RORA: variants seen among roughly 807,000 people sequenced by gnomAD.
The protein encoded by RORA is nuclear receptor ROR-alpha.
In RORA, 7 loss-of-function variants were observed where a neutral mutation model predicts 69.5. The observed-to-expected ratio is 0.10, with a 90% CI of 0.06 to 0.19. The LOEUF (loss-of-function observed/expected upper bound fraction) is 0.19, where lower values mean the gene tolerates loss of function less well. Among genes scored for constraint, RORA ranks in the 10% least tolerant of loss-of-function variants. The pLI is 1.00. For missense variants in RORA, 457 were observed against 663.0 expected (o/e 0.69, Z 3.41); for synonymous variants, 261 against 240.8 (o/e 1.08, Z -0.78).
chr15:60,544,314 G>A (rs553330146), intron 2 of RORA, among the ~76,000 whole-genome samples: 1 of 152,312 alleles, frequency 6.6e-6, no homozygotes, highest in South Asian at 2.1e-4. Context: ...TCAGGGAAAA[G>A]GGATAGAAAG....
intron 1 of RORA, among the ~76,000 whole-genome samples, chr15:60,723,653 C>G (rs2613621): frequency 1 from 152,238 of 152,310 alleles, 76,083 homozygotes; most frequent in Non-Finnish European, 1. Flanking sequence ...ATCAGAGTCA[C>G]AGTTAGGACT....
At chr15:60,777,987 C>T (rs1168488061) in intron 1 of RORA, among the ~76,000 whole-genome samples, 2 of 152,196 alleles carry the variant, frequency 1.3e-5, no homozygotes, top group African/African-American at 4.8e-5. Context: ...AATTGACGTG[C>T]TGTTTAATCC....
intron 1 of RORA, among the ~76,000 whole-genome samples, chr15:61,180,295 C>T (rs560701361): frequency 2.4e-4 from 36 of 152,206 alleles, no homozygotes; most frequent in Admixed American, 1.2e-3. Flanking sequence ...CTTCATTTAT[C>T]CATCCTATCA....
intron 1 of RORA, among the ~76,000 whole-genome samples, chr15:61,150,633 G>A (rs1203372928): frequency 6.6e-6 from 1 of 152,126 alleles, no homozygotes; most frequent in East Asian, 1.9e-4. Context: ...AAAGATTCAA[G>A]GTTTTCGCTG....
chr15:61,010,782 T>C (rs1284138865), intron 1 of RORA, among the ~76,000 whole-genome samples: 3 of 152,156 alleles, frequency 2.0e-5, no homozygotes, highest in Non-Finnish European at 4.4e-5. Flanking sequence ...AATAAGAACA[T>C]TGCATGACTT....
intron 1 of RORA, among the ~76,000 whole-genome samples, chr15:61,136,364 G>C (rs1567006052): frequency 6.6e-6 from 1 of 152,126 alleles, no homozygotes; most frequent in Admixed American, 6.5e-5. Context: ...GCTAGAGTTG[G>C]GTCCATTTTA....
intron 1 of RORA, among the ~76,000 whole-genome samples, chr15:60,817,001 A>G (rs781142040): frequency 6.6e-6 from 1 of 152,328 alleles, no homozygotes; most frequent in Non-Finnish European, 1.5e-5. Flanking sequence ...CCCTTAAAAA[A>G]GTTTTATATT....
chr15:60,778,545 G>C (rs1344049006), intron 1 of RORA, among the ~76,000 whole-genome samples: 3 of 152,126 alleles, frequency 2.0e-5, no homozygotes, highest in African/African-American at 7.2e-5. Flanking sequence ...AAAGTATATT[G>C]AGTATTCTTT....
intron 2 of RORA, chr15:60,592,762 C>G: frequency 1.0e-6 from 1 of 1,000,394 alleles, no homozygotes; most frequent in African/African-American, 1.8e-5. Flanking sequence ...TCCCGCGCCC[C>G]GGGCCCTCGC....
At chr15:60,539,524 G>A (rs1332534091) in intron 2 of RORA, among the ~76,000 whole-genome samples, 1 of 152,162 alleles carries the variant, frequency 6.6e-6, no homozygotes, top group Non-Finnish European at 1.5e-5. Flanking sequence ...TCACATAGTA[G>A]TGCACAAACT....
chr15:61,121,319 T>C (rs144442702), intron 1 of RORA, among the ~76,000 whole-genome samples: 2,426 of 152,238 alleles, frequency 0.016, 26 homozygotes, highest in East Asian at 0.048. Context: ...GAGGGATGCA[T>C]ATGTCTCCGA....
rs879806799 is a variant in RORA at position 61,147,021 on chromosome 15, G to C, written c.166+82032C>G. Reference sequence around the variant, plus strand: ...CTCTTCAGGCTATTCATGGTGGGGGGCAGTCACGGGGGAACTAAATGGATT... The same window carrying C: ...CTCTTCAGGCTATTCATGGTGGGGGCCAGTCACGGGGGAACTAAATGGATT... On this transcript the variant is annotated intron_variant, in intron 1 of 10. Transcript: ENST00000335670. This position sits in a 1 kb window ranked among gnomAD's most constrained non-coding sequence, Gnocchi z 4.1. Among the ~76,000 whole-genome samples, 6 of 151,548 alleles carry C rather than the reference G, an allele frequency of 4.0e-5. No individual in the cohort carries two copies. The highest frequency in any genetic ancestry group is 5.9e-5 in the Non-Finnish European group (4 of 67,906).
At chr15:60,554,789 C>A (rs970806540) in intron 2 of RORA, among the ~76,000 whole-genome samples, 1 of 152,138 alleles carries the variant, frequency 6.6e-6, no homozygotes, top group Non-Finnish European at 1.5e-5. Context: ...AAAAGAAGGA[C>A]TGCCATTTAG....
chr15:60,506,856 G>A (rs1166602657), intron 5 of RORA, among the ~76,000 whole-genome samples: 5 of 151,970 alleles, frequency 3.3e-5, no homozygotes, highest in South Asian at 2.1e-4. Flanking sequence ...GCGTGGTGGC[G>A]GGTGCTTGTA....
chr15:60,976,287 C>T (rs1893871003), intron 1 of RORA, among the ~76,000 whole-genome samples: 1 of 152,162 alleles, frequency 6.6e-6, no homozygotes, highest in Non-Finnish European at 1.5e-5. Flanking sequence ...GGATTTTCAC[C>T]CAACAGTTCT....
intron 1 of RORA, among the ~76,000 whole-genome samples, chr15:61,125,501 C>A (rs2079135661): frequency 6.6e-6 from 1 of 152,186 alleles, no homozygotes. Flanking sequence ...GGAATTCATG[C>A]TTATTTCAGT....
At chr15:60,783,739 A>T (rs2072295725) in intron 1 of RORA, among the ~76,000 whole-genome samples, 1 of 152,142 alleles carries the variant, frequency 6.6e-6, no homozygotes, top group Non-Finnish European at 1.5e-5. Context: ...TCCTCATACT[A>T]GCCACATGAG....
intron 1 of RORA, among the ~76,000 whole-genome samples, chr15:61,150,852 G>A (rs1218713906): frequency 3.9e-5 from 6 of 152,014 alleles, no homozygotes; most frequent in Non-Finnish European, 7.4e-5. Flanking sequence ...CTTATCAGTG[G>A]GCATTTGTAA....
At chr15:60,767,172 G>C (rs1490660559) in intron 1 of RORA, among the ~76,000 whole-genome samples, 1 of 152,206 alleles carries the variant, frequency 6.6e-6, no homozygotes, top group African/African-American at 2.4e-5. Context: ...CATGGGTCCT[G>C]TTTTAGTTGG....
Sources: allele counts gnomAD v4.1 joint callset (sites outside exome capture counted in the v4.1 genomes callset), GRCh38; gene constraint gnomAD v4.1.1; non-coding constraint Gnocchi (gnomAD v3.1); transcripts MANE v1.5; gene names NCBI Gene and HGNC (gene_info 2026-07-23, HGNC 2026-07-21).